Variants in SFMBT2 observed in about 807,000 individuals in gnomAD.
SFMBT2 encodes the protein Scm like with four mbt domains 2, also known as scm-like with four MBT domains protein 2.
In SFMBT2, 38 loss-of-function variants were observed where a neutral mutation model predicts 110.1. The ratio of observed to expected loss-of-function variants is 0.35; its 90% CI spans 0.27 to 0.45. The LOEUF (loss-of-function observed/expected upper bound fraction) is 0.45, where lower values mean the gene tolerates loss of function less well. Among genes scored for constraint, SFMBT2 ranks in the 20% least tolerant of loss-of-function variants. The pLI is 1.00. For synonymous variants in SFMBT2, 425 were observed against 425.4 expected (o/e 1.00, Z 0.01); for missense variants, 1,011 against 1,094.9 (o/e 0.92, Z 1.08).
intron 20 of SFMBT2, among the ~76,000 whole-genome samples, chr10:7,169,656 GA>G (rs1837811426): frequency 6.6e-6 from 1 of 152,102 alleles, no homozygotes; most frequent in African/African-American, 2.4e-5. Flanking sequence ...GACAACGCAA[GA>G]AACTTCAACA....
At chr10:7,207,408 A>G (rs1839177440) in intron 11 of SFMBT2, 1 of 125,640 alleles carries the variant, frequency 8.0e-6, no homozygotes, top group African/African-American at 4.1e-5. Flanking sequence ...GAGAAAGGAA[A>G]GAAAGAAAGA....
chr10:7,402,112 T>TAAAAAAA (rs76629935), intron 1 of SFMBT2, among the ~76,000 whole-genome samples: 1 of 125,470 alleles, frequency 8.0e-6, no homozygotes. Flanking sequence ...TATTTAACAT[T>TAAAAAAA]AAAAAAAAAA....
chr10:7,221,788 T>G (rs927862038), intron 10 of SFMBT2, among the ~76,000 whole-genome samples: 7 of 152,302 alleles, frequency 4.6e-5, no homozygotes, highest in African/African-American at 1.7e-4. Flanking sequence ...AGAGTAAAAT[T>G]CAGTCTTTTG....
chr10:7,375,751 CCACACA>C (rs35306837), intron 2 of SFMBT2, among the ~76,000 whole-genome samples: 20,467 of 124,606 alleles, frequency 0.16, 1,623 homozygotes, highest in South Asian at 0.33. Context: ...AAAGAAAAAA[CCACACA>C]CACACACACA....
intron 4 of SFMBT2, among the ~76,000 whole-genome samples, chr10:7,326,942 G>C (rs1843402071): frequency 6.6e-6 from 1 of 152,016 alleles, no homozygotes; most frequent in Admixed American, 6.5e-5. Flanking sequence ...GCAATTCTTT[G>C]GGTAATGTAT....
chr10:7,383,528 C>T (rs1281289119), intron 1 of SFMBT2, among the ~76,000 whole-genome samples: 1 of 152,200 alleles, frequency 6.6e-6, no homozygotes, highest in Non-Finnish European at 1.5e-5. Context: ...CTATACCAGA[C>T]ACTGTGGAGA....
chr10:7,206,659 G>T, intron 11 of SFMBT2: 1 of 850,556 alleles, frequency 1.2e-6, no homozygotes, highest in Non-Finnish European at 1.4e-6. Context: ...TTACAGTCAT[G>T]CCTTATGAGG....
chr10:7,304,408 T>C (rs765691543), intron 4 of SFMBT2, among the ~76,000 whole-genome samples: 1 of 152,206 alleles, frequency 6.6e-6, no homozygotes, highest in African/African-American at 2.4e-5. Flanking sequence ...ACCTCTTTTT[T>C]TATATACAAA....
chr10:7,268,762 C>T (rs546153860), intron 7 of SFMBT2, among the ~76,000 whole-genome samples: 5 of 152,326 alleles, frequency 3.3e-5, no homozygotes, highest in South Asian at 2.1e-4. Flanking sequence ...TCACCCACCT[C>T]GGCCTCCCAA....
intron 4 of SFMBT2, among the ~76,000 whole-genome samples, chr10:7,299,584 T>C (rs979971973): frequency 1.1e-4 from 16 of 152,198 alleles, no homozygotes; most frequent in Non-Finnish European, 1.5e-4. Context: ...CAGGAAACAA[T>C]AGATGCTGGC....
At chr10:7,353,616 T>G (rs578125339) in intron 4 of SFMBT2, among the ~76,000 whole-genome samples, 1 of 152,332 alleles carries the variant, frequency 6.6e-6, no homozygotes, top group East Asian at 1.9e-4. Context: ...GAAGAACTCA[T>G]GTCCTCCCAT....
Position 7,206,821 on chromosome 10 carries a change from A to T in SFMBT2, c.1331-893T>A, listed in dbSNP as rs1588337750. On this transcript the variant is annotated intron_variant, in intron 11 of 20. Coordinates refer to ENST00000397167, the MANE Select transcript of SFMBT2 (RefSeq NM_001387889.1). ...CACCAAATCAATAGTTAAGAAAAAA[A>T]CACTTTGAACCAGGAATCAAGAGAT... 3.1e-6 allele frequency: 3 copies of T among 965,502 alleles called. 1 individual carries two copies. Among genetic ancestry groups the T allele is most frequent in the Non-Finnish European group, 3.7e-6 (3 of 811,882 alleles). 59.8% of individuals were successfully genotyped at this position (965,502 alleles called of 1,614,324 possible). A position where few individuals can be genotyped will look rare whatever the true frequency, so the allele number is the denominator to read the frequency against.
chr10:7,257,319 C>T (rs1209373723), intron 7 of SFMBT2, among the ~76,000 whole-genome samples: 1 of 152,116 alleles, frequency 6.6e-6, no homozygotes, highest in Non-Finnish European at 1.5e-5. Context: ...ACTCACTACC[C>T]ACGGTCACCC....
intron 1 of SFMBT2, among the ~76,000 whole-genome samples, chr10:7,394,618 CCT>C (rs897810482): frequency 1.6e-4 from 25 of 151,800 alleles, no homozygotes; most frequent in African/African-American, 2.7e-4. Flanking sequence ...ACAACTCTCC[CCT>C]GTCATTAATA....
intron 11 of SFMBT2, among the ~76,000 whole-genome samples, chr10:7,212,377 A>G (rs1787919918): frequency 6.6e-6 from 1 of 152,220 alleles, no homozygotes; most frequent in Non-Finnish European, 1.5e-5. Flanking sequence ...TGAGCAAGCA[A>G]AGTTCACAGG....
chr10:7,355,330 C>T (rs955506824), intron 4 of SFMBT2, among the ~76,000 whole-genome samples: 1 of 151,898 alleles, frequency 6.6e-6, no homozygotes, highest in Non-Finnish European at 1.5e-5. Context: ...AATATTTTAT[C>T]TATTTTTTCA....
At chr10:7,404,589 T>C (rs1459624587) in intron 1 of SFMBT2, among the ~76,000 whole-genome samples, 2 of 152,198 alleles carry the variant, frequency 1.3e-5, no homozygotes, top group African/African-American at 4.8e-5. Flanking sequence ...AAGCCCTGGA[T>C]CTATCAAAAT....
At chr10:7,183,075 G>A (rs140309979) in intron 16 of SFMBT2, among the ~76,000 whole-genome samples, 117 of 152,102 alleles carry the variant, frequency 7.7e-4, no homozygotes, top group African/African-American at 2.6e-3. Flanking sequence ...AGCTGAGCTC[G>A]CACACAATAG....
chr10:7,241,935 T>C (rs80307517), intron 9 of SFMBT2, among the ~76,000 whole-genome samples: 2,923 of 152,298 alleles, frequency 0.019, 104 homozygotes, highest in African/African-American at 0.065. Context: ...TTAAATATAA[T>C]AGATTCTAAT....
Sources: allele counts gnomAD v4.1 joint callset (sites outside exome capture counted in the v4.1 genomes callset), GRCh38; gene constraint gnomAD v4.1.1; transcripts MANE v1.5; gene names NCBI Gene and HGNC (gene_info 2026-07-23, HGNC 2026-07-21).